The following ZSCAN5A variants were observed in gnomAD, a reference collection of about 807,000 sequenced individuals.
The protein encoded by ZSCAN5A is zinc finger and SCAN domain containing 5A.
ZSCAN5A carries 12 observed loss-of-function variants against 23.7 expected under a neutral mutation model. That is an observed-to-expected ratio of 0.51 (90% CI 0.32 to 0.82). ZSCAN5A has a LOEUF of 0.82. Among genes scored for constraint, ZSCAN5A ranks in the 40% least tolerant of loss-of-function variants. The probability of loss-of-function intolerance (pLI) is 0.03; values close to 1 mark genes in which losing one functional copy is unlikely to be tolerated. For synonymous variants in ZSCAN5A, 257 were observed against 239.9 expected (o/e 1.07, Z -0.66); for missense variants, 597 against 617.9 (o/e 0.97, Z 0.36).
chr19:56,312,876 C>T (rs879684235), intron 2 of ZSCAN5A, among the ~76,000 whole-genome samples: 2 of 152,192 alleles, frequency 1.3e-5, no homozygotes, highest in Non-Finnish European at 2.9e-5. Context: ...ATACAGTCAT[C>T]GTGGGAATTA....
chr19:56,268,962 G>C (rs925439874), intron 2 of ZSCAN5A, among the ~76,000 whole-genome samples: 1 of 152,140 alleles, frequency 6.6e-6, no homozygotes, highest in Non-Finnish European at 1.5e-5. Flanking sequence ...ATCAGTACTT[G>C]ATTTCTTTTT....
chr19:56,234,658 T>C (rs1480301303), intron 2 of ZSCAN5A, among the ~76,000 whole-genome samples: 5 of 152,298 alleles, frequency 3.3e-5, no homozygotes, highest in East Asian at 1.9e-4. Flanking sequence ...TAGAACAACA[T>C]TGTGAAACTC....
At chr19:56,277,572 A>C (rs2038360747) in intron 2 of ZSCAN5A, among the ~76,000 whole-genome samples, 1 of 152,160 alleles carries the variant, frequency 6.6e-6, no homozygotes, top group South Asian at 2.1e-4. Context: ...TAAGGGGTTC[A>C]GGGTTTATTT....
rs2040249829 is a variant in ZSCAN5A at position 56,301,787 on chromosome 19, G to A, written c.-128+11496C>T. ...AGGCATTCCTGACTGTTTGTCTGGA[G>A]TATGGTGGTAACCAAGAAGGGGGAA... is the stretch of plus-strand genomic sequence containing the variant. On this transcript the variant is annotated intron_variant, in intron 2 of 5. Transcript: ENST00000683990. The A allele has an allele frequency of 2.2e-5, 12 of 534,920 alleles. 1 individual carries two copies. The South Asian group carries it at 1.1e-3, about 50-fold the overall frequency. 33.1% of individuals were successfully genotyped at this position (534,920 alleles called of 1,614,324 possible).
upstream of ZSCAN5A, chr19:56,318,008 A>G (rs112732085): frequency 9.8e-5 from 15 of 152,336 alleles, 1 homozygote; most frequent in African/African-American, 3.6e-4. Flanking sequence ...TATATCTGAA[A>G]TAAACAAAAA....
At position 56,240,379 on chromosome 19, in the gene ZSCAN5A, T is replaced by C. The variant is rs760551698; in HGVS notation, c.-127-15206A>G. Reference sequence around the variant, plus strand: ...TGTAATCAACTCGGATCACCTAAAATGGATTACGTGGCCCTAAACCAATCA... The same window carrying C: ...TGTAATCAACTCGGATCACCTAAAACGGATTACGTGGCCCTAAACCAATCA... On this transcript the variant is annotated intron_variant, in intron 2 of 5. Coordinates refer to ENST00000683990, the MANE Select transcript of ZSCAN5A (RefSeq NM_001322064.3). Among the ~76,000 whole-genome samples the C allele has an allele frequency of 6.4e-4, 97 of 152,148 alleles. 1 individual carries two copies. The highest frequency in any genetic ancestry group is 2.1e-4 in the South Asian group (1 of 4,838).
chr19:56,291,170 T>C (rs548242975), intron 2 of ZSCAN5A, among the ~76,000 whole-genome samples: 6 of 152,290 alleles, frequency 3.9e-5, no homozygotes, highest in African/African-American at 1.4e-4. Context: ...CATTGAGTTG[T>C]ACATATTTGT....
chr19:56,261,044 C>A (rs1241637137), intron 2 of ZSCAN5A, among the ~76,000 whole-genome samples: 2 of 151,966 alleles, frequency 1.3e-5, no homozygotes, highest in Non-Finnish European at 2.9e-5. Flanking sequence ...CCCATCTCTA[C>A]TAAAAATACA....
At chr19:56,228,333 T>C in intron 2 of ZSCAN5A, 7 of 985,322 alleles carry the variant, frequency 7.1e-6, no homozygotes, top group Non-Finnish European at 7.2e-6. Flanking sequence ...CGTCTATTTA[T>C]GGAGAAGCGG....
chr19:56,366,901 A>C (rs1407652356), intron 1 of ZSCAN5A, among the ~76,000 whole-genome samples: 1 of 152,226 alleles, frequency 6.6e-6, no homozygotes, highest in African/African-American at 2.4e-5. Context: ...TACCAAGTAC[A>C]TCATATTCAG....
intron 2 of ZSCAN5A, among the ~76,000 whole-genome samples, chr19:56,230,936 C>T (rs1304014317): frequency 6.6e-6 from 1 of 152,100 alleles, no homozygotes; most frequent in Non-Finnish European, 1.5e-5. Flanking sequence ...GTTTATTGAA[C>T]ATTGTACTGA....
intron 2 of ZSCAN5A, among the ~76,000 whole-genome samples, chr19:56,339,839 AGC>A: frequency 2.0e-5 from 3 of 152,206 alleles, no homozygotes; most frequent in African/African-American, 7.2e-5. Context: ...TATGTGAAGG[AGC>A]GGTTGTAGCC....
chr19:56,333,691 T>TA (rs1483411763), intron 2 of ZSCAN5A, among the ~76,000 whole-genome samples: 1 of 152,116 alleles, frequency 6.6e-6, no homozygotes, highest in African/African-American at 2.4e-5. Flanking sequence ...AGCCATCTCT[T>TA]ATTCATGCAT....
chr19:56,335,556 T>C (rs1353778557), intron 2 of ZSCAN5A, among the ~76,000 whole-genome samples: 6 of 152,258 alleles, frequency 3.9e-5, no homozygotes. Flanking sequence ...AGTCTGTGTC[T>C]TTTAATTGGA....
chr19:56,351,756 C>T lies in ZSCAN5A; in HGVS notation c.-358+11479G>A, dbSNP rs2041668752. 6.6e-6 allele frequency among the ~76,000 whole-genome samples: 1 copy of T among 152,190 alleles called. No individual in the cohort carries two copies. The highest frequency in any genetic ancestry group is 1.5e-5 in the Non-Finnish European group (1 of 68,030). On this transcript the variant is annotated intron_variant, in intron 2 of 6. Transcript: ENST00000587340. This position sits in a 1 kb window ranked among gnomAD's most constrained non-coding sequence, Gnocchi z 4.8. Reference sequence around the variant, plus strand: ...GGCTGCTCTGTCCCAATGTCTCCATCCTTTGCATCTTAACCTGTCGCAGAA... The same window carrying T: ...GGCTGCTCTGTCCCAATGTCTCCATTCTTTGCATCTTAACCTGTCGCAGAA...
intron 2 of ZSCAN5A, among the ~76,000 whole-genome samples, chr19:56,346,089 G>A (rs781017909): frequency 6.7e-5 from 10 of 150,168 alleles, no homozygotes; most frequent in Admixed American, 2.0e-4. Flanking sequence ...AGGAGAGACA[G>A]CAGAAGTAAA....
chr19:56,222,724 T>G lies in ZSCAN5A; in HGVS notation c.606A>C (p.Leu202=), dbSNP rs1319020766. ...LSRRQGEDFL[L]HKSIDVTGDP... Reference sequence around the variant, plus strand: ...CACCTGTTACGTCAATACTCTTGTGTAGCAGAAAGTCCTCTCCCTGAAGAG... The same window carrying G: ...CACCTGTTACGTCAATACTCTTGTGGAGCAGAAAGTCCTCTCCCTGAAGAG... The change falls in exon 5 of 6, where the codon CTA becomes CTC. Residue 202 remains leucine (L), a synonymous_variant. Coordinates refer to ENST00000683990, the MANE Select transcript of ZSCAN5A (RefSeq NM_001322064.3). 1.9e-6 allele frequency: 3 copies of G among 1,614,048 alleles called. No homozygotes were observed. Among genetic ancestry groups the G allele is most frequent in the African/African-American group, 2.7e-5 (2 of 74,908 alleles).
chr19:56,247,394 ATAAATGT>A, intron 2 of ZSCAN5A: 1 of 196,984 alleles, frequency 5.1e-6, no homozygotes, highest in South Asian at 1.0e-4. Context: ...GAGAAACCCT[ATAAATGT>A]CCCAAGTGTC....
intron 2 of ZSCAN5A, among the ~76,000 whole-genome samples, chr19:56,254,496 C>G (rs914188064): frequency 6.6e-6 from 1 of 152,154 alleles, no homozygotes; most frequent in Non-Finnish European, 1.5e-5. Flanking sequence ...TTTTGTTTAT[C>G]TATTCCTTCA....
Sources: gnomAD v4.1 joint callset for allele counts (sites outside exome capture counted in the v4.1 genomes callset) on GRCh38, gnomAD v4.1.1 for gene constraint, Gnocchi (gnomAD v3.1) non-coding constraint, MANE v1.5 for transcripts, NCBI Gene and HGNC (gene_info 2026-07-23, HGNC 2026-07-21) for gene names.